The following USP6NL variants were observed in gnomAD, a reference collection of about 807,000 sequenced individuals.
The protein encoded by USP6NL is USP6 N-terminal like.
In USP6NL, 26 loss-of-function variants were observed where a neutral mutation model predicts 61.9. The observed-to-expected ratio is 0.42, with a 90% CI of 0.31 to 0.58. USP6NL has a LOEUF of 0.58. Among genes scored for constraint, USP6NL ranks in the 20% least tolerant of loss-of-function variants. USP6NL has a pLI of 0.16. For missense variants in USP6NL, 1,114 were observed against 1,034.3 expected (o/e 1.08, Z -1.06); for synonymous variants, 432 against 390.1 (o/e 1.11, Z -1.27).
At chr10:11,581,984 G>C (rs11257180) in intron 2 of USP6NL, among the ~76,000 whole-genome samples, 27,945 of 151,964 alleles carry the variant, frequency 0.18, 3,045 homozygotes, top group South Asian at 0.24. Flanking sequence ...TTGTTTTTGA[G>C]ACGGAGTTTC....
chr10:11,508,899 A>G (rs997621095), intron 6 of USP6NL, among the ~76,000 whole-genome samples: 1 of 152,224 alleles, frequency 6.6e-6, no homozygotes, highest in Non-Finnish European at 1.5e-5. Context: ...TGTCACTTGA[A>G]GGAAGATAAC....
chr10:11,496,058 G>A lies in USP6NL; in HGVS notation c.385-2830C>T, dbSNP rs1049641599. ...CACCTGGCTGCTAGTGATCTGGGAG[G>A]TGAGTTGAGGAAAAAGGCTGGACTG... On this transcript the variant is annotated intron_variant, in intron 7 of 14. Transcript: ENST00000609104. This position sits in a 1 kb window ranked among gnomAD's most constrained non-coding sequence, Gnocchi z 5.4. Among the ~76,000 whole-genome samples, 6 of 152,236 alleles carry A rather than the reference G, an allele frequency of 3.9e-5. No homozygotes were observed. Among genetic ancestry groups the A allele is most frequent in the East Asian group, 3.8e-4 (2 of 5,198 alleles).
intron 1 of USP6NL, among the ~76,000 whole-genome samples, chr10:11,610,778 T>G (rs543180965): frequency 6.6e-6 from 1 of 151,948 alleles, no homozygotes; most frequent in Non-Finnish European, 1.5e-5. Flanking sequence ...GGATAAGGGT[T>G]GGGGGTGGGG....
intron 5 of USP6NL, among the ~76,000 whole-genome samples, chr10:11,514,208 C>G (rs1020349436): frequency 1.4e-4 from 21 of 150,676 alleles, no homozygotes; most frequent in African/African-American, 4.4e-4. Flanking sequence ...ATGGTCTCAT[C>G]ATCCGTTGAT....
chr10:11,560,819 T>C (rs965533757), intron 2 of USP6NL, among the ~76,000 whole-genome samples: 1 of 151,270 alleles, frequency 6.6e-6, no homozygotes, highest in African/African-American at 2.4e-5. Context: ...CTATTGTTAT[T>C]AAGAACAATT....
chr10:11,488,964 G>GT, intron 10 of USP6NL, 138 bp downstream of exon 10: 1 of 1,124,272 alleles, frequency 8.9e-7, no homozygotes, highest in Non-Finnish European at 1.2e-6. Context: ...GAAGAAACTA[G>GT]TAACAAATAC....
chr10:11,554,429 T>G (rs1300996091), intron 2 of USP6NL, among the ~76,000 whole-genome samples: 1 of 152,078 alleles, frequency 6.6e-6, no homozygotes, highest in Admixed American at 6.5e-5. Context: ...ATGTAAAAGC[T>G]AAACAGAACT....
chr10:11,608,832 A>T (rs988322552), intron 1 of USP6NL, among the ~76,000 whole-genome samples: 1 of 152,246 alleles, frequency 6.6e-6, no homozygotes, highest in African/African-American at 2.4e-5. Flanking sequence ...GCATGAGGTG[A>T]TACGACCTGA....
chr10:11,609,135 G>A (rs185357509), intron 1 of USP6NL, among the ~76,000 whole-genome samples: 21 of 152,128 alleles, frequency 1.4e-4, no homozygotes, highest in African/African-American at 4.6e-4. Context: ...AGCGATCTCC[G>A]CTCACTGCAA....
intron 5 of USP6NL, among the ~76,000 whole-genome samples, 178 bp from the exon 6 acceptor site, chr10:11,509,853 T>G (rs574035534): frequency 1.3e-5 from 2 of 152,330 alleles, no homozygotes; most frequent in East Asian, 3.9e-4. Flanking sequence ...AGTCCATAGC[T>G]AAAGTTAAGA....
In USP6NL at chr10:11,462,297, A is replaced by C; in HGVS notation, c.*144T>G. The stretch of plus-strand genomic sequence containing the variant: ...GCAGCATCTACGTGGGGCTGAAGAC[A>C]TTTCCCTGTATTCTTACTACTAACA... On this transcript the variant is annotated 3_prime_UTR_variant, in exon 15 of 15. Transcript: ENST00000609104. 1.0e-6 allele frequency: 1 copy of C among 997,334 alleles called. No individual in the cohort carries two copies. The highest frequency in any genetic ancestry group is 1.4e-6 in the Non-Finnish European group (1 of 699,848). 61.8% of individuals were successfully genotyped at this position (997,334 alleles called of 1,614,324 possible). A position where few individuals can be genotyped will look rare whatever the true frequency, so the allele number is the denominator to read the frequency against.
In USP6NL at chr10:11,553,081, CATTTT is replaced by C. The variant is rs1410941227; in HGVS notation, c.5-25519_5-25515del. Reference sequence around the variant, plus strand: ...GTGAGAACACTGGCATCATTTTTAACATTTTATTTATCCTTCACCCCTCTACCTGT... The same window carrying C: ...GTGAGAACACTGGCATCATTTTTAACATTTATCCTTCACCCCTCTACCTGT... On this transcript the variant is annotated intron_variant, in intron 2 of 14. Coordinates refer to ENST00000609104, the MANE Select transcript of USP6NL (RefSeq NM_014688.5). This position sits in a 1 kb window ranked among gnomAD's most constrained non-coding sequence, Gnocchi z 4.8. 6.6e-6 allele frequency among the ~76,000 whole-genome samples: 1 copy of C among 152,206 alleles called. No homozygotes were observed. The highest frequency in any genetic ancestry group is 1.9e-4 in the East Asian group (1 of 5,184).
rs1313008025 is a variant in USP6NL, at chr10:11,595,027, C to G, written c.4+2604G>C. On this transcript the variant is annotated intron_variant, in intron 2 of 14. Transcript: ENST00000609104. The surrounding 1 kb of genome is among the most constrained non-coding windows in gnomAD (Gnocchi z 5.3). ...GCTGTGTGGGTGACAGGCAGTGGCTCTAGGAACTAGCAGACTACTCAGAAG... is the reference window on the plus strand; with the variant it reads ...GCTGTGTGGGTGACAGGCAGTGGCTGTAGGAACTAGCAGACTACTCAGAAG... Among the ~76,000 whole-genome samples, 1 of 152,120 alleles carries G rather than the reference C, an allele frequency of 6.6e-6. No individual in the cohort carries two copies. The highest frequency in any genetic ancestry group is 1.5e-5 in the Non-Finnish European group (1 of 68,020).
At chr10:11,471,965 TAAAAA>T (rs543232536) in intron 14 of USP6NL, among the ~76,000 whole-genome samples, 3 of 137,866 alleles carry the variant, frequency 2.2e-5, no homozygotes, top group African/African-American at 8.1e-5. Context: ...CCCTAAAACT[TAAAAA>T]AAAAAAAAAA....
At chr10:11,559,962 A>G (rs1250453646) in intron 2 of USP6NL, among the ~76,000 whole-genome samples, 2 of 152,226 alleles carry the variant, frequency 1.3e-5, no homozygotes, top group Non-Finnish European at 2.9e-5. Context: ...CATGAAAAAA[A>G]GACTGATAAG....
In USP6NL at chr10:11,587,413, T is replaced by C. The variant is rs1356879269; in HGVS notation, c.4+10218A>G. Among the ~76,000 whole-genome samples, 1 of 151,152 alleles carries C rather than the reference T, an allele frequency of 6.6e-6. No homozygotes were observed. The highest frequency in any genetic ancestry group is 1.5e-5 in the Non-Finnish European group (1 of 67,608). On this transcript the variant is annotated intron_variant, in intron 2 of 14. Transcript: ENST00000609104. The surrounding 1 kb of genome is among the most constrained non-coding windows in gnomAD (Gnocchi z 4.5). ...TTCTAGCTTTCACTATCCCTTGCAA[T>C]TATTAAACTTTTAACAGTCATACTA...
At chr10:11,593,903 A>G (rs933808122) in intron 2 of USP6NL, among the ~76,000 whole-genome samples, 1 of 152,230 alleles carries the variant, frequency 6.6e-6, no homozygotes, top group African/African-American at 2.4e-5. Context: ...GCGTTTGATA[A>G]CATGGAAAGG....
At chr10:11,502,394 A>G (rs1324335396) in intron 6 of USP6NL, among the ~76,000 whole-genome samples, 1 of 152,208 alleles carries the variant, frequency 6.6e-6, no homozygotes, top group East Asian at 1.9e-4. Flanking sequence ...AAGTCTAATT[A>G]CTCAAAATAA....
chr10:11,581,494 C>T (rs558789761), intron 2 of USP6NL, among the ~76,000 whole-genome samples: 12 of 152,216 alleles, frequency 7.9e-5, no homozygotes, highest in African/African-American at 1.9e-4. Flanking sequence ...TTTCAGAAAA[C>T]TTTTTTGGCT....
Sources: gnomAD v4.1 joint callset for allele counts (sites outside exome capture counted in the v4.1 genomes callset) on GRCh38, gnomAD v4.1.1 for gene constraint, Gnocchi (gnomAD v3.1) non-coding constraint, MANE v1.5 for transcripts, NCBI Gene and HGNC (gene_info 2026-07-23, HGNC 2026-07-21) for gene names.